Variants in PAPPA2 observed in about 807,000 individuals in gnomAD.
The protein encoded by PAPPA2 is pappalysin-2.
Under a neutral mutation model 176.4 loss-of-function variants are expected in PAPPA2, and 86 were observed. The ratio of observed to expected loss-of-function variants is 0.49; its 90% CI spans 0.41 to 0.58. The LOEUF is 0.58. Ranked by LOEUF, PAPPA2 falls within the 20% of genes least tolerant of loss-of-function variation. The pLI is 0.00. For synonymous variants in PAPPA2, 809 were observed against 852.2 expected (o/e 0.95, Z 0.88); for missense variants, 2,073 against 2,256.9 (o/e 0.92, Z 1.65).
At chr1:176,623,622 C>CTTTCTTTCTTTCTTT (rs1558479081) in intron 3 of PAPPA2, among the ~76,000 whole-genome samples, 55 of 79,856 alleles carry the variant, frequency 6.9e-4, no homozygotes, top group Middle Eastern at 8.1e-3. Context: ...TTCCTTCCTT[C>CTTTCTTTCTTTCTTT]CTTTTTTACT....
intron 1 of PAPPA2, among the ~76,000 whole-genome samples, chr1:176,520,244 A>T (rs1649138389): frequency 6.6e-6 from 1 of 152,196 alleles, no homozygotes. Flanking sequence ...TTGGATCCAC[A>T]TACAAGGCTG....
At chr1:176,715,128 C>T (rs959118215) in intron 12 of PAPPA2, among the ~76,000 whole-genome samples, 2 of 152,138 alleles carry the variant, frequency 1.3e-5, no homozygotes, top group Non-Finnish European at 2.9e-5. Flanking sequence ...TGACCTAGAC[C>T]TGGAAAGTTG....
At chr1:176,674,223 A>ACT in intron 4 of PAPPA2, among the ~76,000 whole-genome samples, 1 of 152,224 alleles carries the variant, frequency 6.6e-6, no homozygotes, top group East Asian at 1.9e-4. Context: ...CAGAAGTAGT[A>ACT]CAGCTTATAC....
chr1:176,588,191 T>A (rs1456137581), intron 2 of PAPPA2, among the ~76,000 whole-genome samples: 1 of 152,218 alleles, frequency 6.6e-6, no homozygotes, highest in Non-Finnish European at 1.5e-5. Context: ...TGGGAGTTCA[T>A]TCATGATTTG....
chr1:176,568,241 TA>T, intron 2 of PAPPA2, among the ~76,000 whole-genome samples: 1 of 152,272 alleles, frequency 6.6e-6, no homozygotes, highest in East Asian at 1.9e-4. Context: ...GTAGATAAAG[TA>T]ACAGAAATAT....
intron 4 of PAPPA2, among the ~76,000 whole-genome samples, chr1:176,685,295 C>T (rs1659785503): frequency 6.6e-6 from 1 of 152,112 alleles, no homozygotes; most frequent in Admixed American, 6.5e-5. Context: ...GGTAGGAACT[C>T]TTGTTATTAC....
intron 21 of PAPPA2, among the ~76,000 whole-genome samples, chr1:176,831,860 C>T (rs1250767901): frequency 6.6e-6 from 1 of 152,132 alleles, no homozygotes; most frequent in Non-Finnish European, 1.5e-5. Flanking sequence ...GAAGAGAGCC[C>T]TGGTTTCCAG....
At chr1:176,499,217 A>T (rs1041032631) in intron 1 of PAPPA2, among the ~76,000 whole-genome samples, 11 of 152,202 alleles carry the variant, frequency 7.2e-5, no homozygotes, top group Non-Finnish European at 1.6e-4. Flanking sequence ...TTTGGGAAAC[A>T]ATTATTTAAT....
At chr1:176,774,631 T>A (rs1664372761) in intron 17 of PAPPA2, among the ~76,000 whole-genome samples, 1 of 151,844 alleles carries the variant, frequency 6.6e-6, no homozygotes, top group Non-Finnish European at 1.5e-5. Context: ...TCTGAACTGA[T>A]CTTTCTGTCT....
chr1:176,800,243 CTTTG>C (rs1665625154), intron 21 of PAPPA2, 111 bp downstream of exon 21: 1 of 888,364 alleles, frequency 1.1e-6, no homozygotes. Flanking sequence ...TTCCTCTGTC[CTTTG>C]TTTAACTTCT....
intron 1 of PAPPA2, among the ~76,000 whole-genome samples, chr1:176,493,916 T>G (rs1005314693): frequency 6.6e-6 from 1 of 152,224 alleles, no homozygotes; most frequent in Admixed American, 6.5e-5. Flanking sequence ...GTTAGAGAAT[T>G]TTTTTGGATT....
At chr1:176,576,669 T>C (rs750233446) in intron 2 of PAPPA2, among the ~76,000 whole-genome samples, 1 of 152,162 alleles carries the variant, frequency 6.6e-6, no homozygotes, top group Non-Finnish European at 1.5e-5. Context: ...CTCCTCAGTG[T>C]ATGGTTTGAG....
At chr1:176,706,137 C>T (rs10798476) in intron 9 of PAPPA2, among the ~76,000 whole-genome samples, 26,540 of 152,086 alleles carry the variant, frequency 0.17, 2,477 homozygotes, top group Middle Eastern at 0.23. Context: ...TTCCCACAAC[C>T]CACTGGACAT....
chr1:176,598,329 T>C (rs1165375532), intron 3 of PAPPA2, among the ~76,000 whole-genome samples: 1 of 152,160 alleles, frequency 6.6e-6, no homozygotes, highest in East Asian at 1.9e-4. Flanking sequence ...GCTTGGTTCA[T>C]CAATTTTAAA....
intron 1 of PAPPA2, among the ~76,000 whole-genome samples, chr1:176,478,969 C>T (rs1163974367): frequency 2.6e-5 from 4 of 152,160 alleles, no homozygotes; most frequent in Non-Finnish European, 5.9e-5. Flanking sequence ...TTATACAGGG[C>T]CTTGAGGGCA....
chr1:176,555,559 C>T lies in PAPPA2; in HGVS notation c.-764C>T, dbSNP rs1249305860. The T allele has an allele frequency of 1.3e-5, 2 of 152,170 alleles. No individual in the cohort carries two copies. The highest frequency in any genetic ancestry group is 4.8e-5 in the African/African-American group (2 of 41,412). 9.4% of individuals were successfully genotyped at this position (152,170 alleles called of 1,614,324 possible). ...TAAAAGCCTTCAACAACCAACAACC[C>T]CAAGCATCAAACTGAAGGAAACATT... On this transcript the variant is annotated 5_prime_UTR_variant, in exon 2 of 23. Transcript: ENST00000367662.
intron 18 of PAPPA2, among the ~76,000 whole-genome samples, chr1:176,790,195 A>C (rs182039114): frequency 5.6e-4 from 85 of 152,316 alleles, no homozygotes; most frequent in African/African-American, 1.9e-3. Flanking sequence ...GGTAAGAAGA[A>C]TCCAATGGGT....
At chr1:176,576,711 A>T (rs998638325) in intron 2 of PAPPA2, among the ~76,000 whole-genome samples, 3 of 152,192 alleles carry the variant, frequency 2.0e-5, no homozygotes, top group African/African-American at 7.2e-5. Flanking sequence ...CTGATAGTCT[A>T]TTGGAATGCA....
At chr1:176,780,452 G>A (rs1436120690) in intron 17 of PAPPA2, among the ~76,000 whole-genome samples, 1 of 152,110 alleles carries the variant, frequency 6.6e-6, no homozygotes, top group Non-Finnish European at 1.5e-5. Flanking sequence ...AGAGAGGGAG[G>A]GAAGGAGAGG....
Sources: gnomAD v4.1 joint callset for allele counts (sites outside exome capture counted in the v4.1 genomes callset) on GRCh38, gnomAD v4.1.1 for gene constraint, MANE v1.5 for transcripts, NCBI Gene and HGNC (gene_info 2026-07-23, HGNC 2026-07-21) for gene names.